The following MDH1B variants were observed in gnomAD, a reference collection of about 807,000 sequenced individuals.
MDH1B encodes the protein malate dehydrogenase 1B.
A neutral mutation model predicts 61.4 loss-of-function variants in MDH1B; 60 were observed. The observed-to-expected ratio is 0.98, with a 90% CI of 0.79 to 1.21. The LOEUF (loss-of-function observed/expected upper bound fraction) is 1.21. MDH1B is among the 50% of genes most tolerant of loss of function. The pLI is 0.00. For synonymous variants in MDH1B, 236 were observed against 218.7 expected, an observed-to-expected ratio of 1.08 and a Z score of -0.70; for missense variants, 587 against 632.1, an observed-to-expected ratio of 0.93 and a Z score of 0.76.
intron 2 of MDH1B, 74 bp downstream of exon 2, chr2:206,760,827 A>C (rs941945013): frequency 1.5e-5 from 12 of 821,912 alleles, no homozygotes; most frequent in Non-Finnish European, 2.3e-5. Context: ...AGTCTAATAC[A>C]CCAGTTAATA....
At chr2:206,757,794 G>T (rs570941571) in intron 2 of MDH1B, among the ~76,000 whole-genome samples, 1 of 152,250 alleles carries the variant, frequency 6.6e-6, no homozygotes, top group South Asian at 2.1e-4. Flanking sequence ...TGTGAGTGTG[G>T]TTTATGTAGT....
intron 8 of MDH1B, among the ~76,000 whole-genome samples, chr2:206,745,962 G>A (rs891776772): frequency 1.3e-5 from 2 of 151,848 alleles, no homozygotes; most frequent in Non-Finnish European, 2.9e-5. Context: ...GCAAACTCCC[G>A]ACCTCAGGTG....
At chr2:206,755,913 G>T (rs1376304074) in intron 4 of MDH1B, among the ~76,000 whole-genome samples, 1 of 146,272 alleles carries the variant, frequency 6.8e-6, no homozygotes, top group Non-Finnish European at 1.5e-5. Context: ...ACACAATAAT[G>T]ACTTTTTTTT....
intron 7 of MDH1B, 105 bp from the exon 8 acceptor site, chr2:206,746,531 A>T: frequency 8.3e-7 from 1 of 1,198,414 alleles, no homozygotes; most frequent in Admixed American, 3.2e-5. Flanking sequence ...AGGATTTTTA[A>T]TGATAATGAT....
At chr2:206,755,755 T>C (rs1646639321) in intron 4 of MDH1B, among the ~76,000 whole-genome samples, 1 of 152,154 alleles carries the variant, frequency 6.6e-6, no homozygotes, top group South Asian at 2.1e-4. Context: ...ATTAGGTTTT[T>C]CAAAGAAAAC....
intron 7 of MDH1B, among the ~76,000 whole-genome samples, chr2:206,747,353 A>AATG (rs1459558112): frequency 6.6e-6 from 1 of 152,192 alleles, no homozygotes; most frequent in Admixed American, 6.5e-5. Flanking sequence ...AGAGACAGAT[A>AATG]ATGATCATTT....
intron 4 of MDH1B, chr2:206,756,516 C>A (rs912755164): frequency 1.1e-5 from 2 of 176,126 alleles, no homozygotes; most frequent in Non-Finnish European, 2.4e-5. Flanking sequence ...CAAAGGGGAG[C>A]AAGGCGAGGG....
In MDH1B at chr2:206,738,135, G is replaced by C; in HGVS notation, c.*348C>G. 1 of 181,788 alleles carries C rather than the reference G, an allele frequency of 5.5e-6. No homozygotes were observed. The highest frequency in any genetic ancestry group is 1.1e-5 in the Non-Finnish European group (1 of 88,232). The allele number at this position is 181,788 out of a possible 1,614,324, so 11.3% of individuals were successfully genotyped here. A position where few individuals can be genotyped will look rare whatever the true frequency, so the allele number is the denominator to read the frequency against. On this transcript the variant is annotated 3_prime_UTR_variant, in exon 12 of 12. Coordinates refer to ENST00000374412, the MANE Select transcript of MDH1B (RefSeq NM_001039845.3). ...GAGCAAACATGGCCACTTAGGTGCA[G>C]GTCTTAGGTATGGCTGATGGAAGGA...
intron 5 of MDH1B, among the ~76,000 whole-genome samples, chr2:206,753,645 G>A (rs1055102572): frequency 1.3e-5 from 2 of 152,218 alleles, no homozygotes; most frequent in African/African-American, 4.8e-5. Flanking sequence ...CTTTCATGAT[G>A]TTTTGCTCAA....
chr2:206,757,777 T>C (rs905278470), intron 2 of MDH1B, among the ~76,000 whole-genome samples: 1 of 152,248 alleles, frequency 6.6e-6, no homozygotes, highest in African/African-American at 2.4e-5. Context: ...ATACTTTTTT[T>C]AAAATCTGTG....
At chr2:206,751,454 C>A (rs1688436734) in intron 5 of MDH1B, among the ~76,000 whole-genome samples, 1 of 152,050 alleles carries the variant, frequency 6.6e-6, no homozygotes, top group African/African-American at 2.4e-5. Flanking sequence ...GGAGAAAGGA[C>A]TTTTTAATAT....
At chr2:206,761,691 A>G (rs1689105611) in intron 1 of MDH1B, among the ~76,000 whole-genome samples, 1 of 152,122 alleles carries the variant, frequency 6.6e-6, no homozygotes, top group African/African-American at 2.4e-5. Context: ...TCAGACACAC[A>G]ATTTGTAGCC....
At chr2:206,739,022 A>G (rs1054327115) in intron 11 of MDH1B, among the ~76,000 whole-genome samples, 1 of 152,186 alleles carries the variant, frequency 6.6e-6, no homozygotes, top group Non-Finnish European at 1.5e-5. Flanking sequence ...ACTCAGTTAT[A>G]TACTTGGGAA....
chr2:206,757,095 T>C (rs949258042), intron 3 of MDH1B, 55 bp from the exon 4 acceptor site: 4 of 1,567,736 alleles, frequency 2.6e-6, no homozygotes, highest in Non-Finnish European at 2.6e-6. Context: ...TAGTTGAAAT[T>C]GGCTATAATG....
At chr2:206,742,033 G>A (rs1687842089) in intron 9 of MDH1B, among the ~76,000 whole-genome samples, 1 of 121,842 alleles carries the variant, frequency 8.2e-6, no homozygotes, top group Admixed American at 7.9e-5. Flanking sequence ...GACCATATGT[G>A]GTGAACAAAG....
intron 2 of MDH1B, 75 bp downstream of exon 2, chr2:206,760,826 C>T (rs1689047783): frequency 2.4e-6 from 2 of 817,088 alleles, no homozygotes; most frequent in Non-Finnish European, 4.2e-6. Flanking sequence ...CAGTCTAATA[C>T]ACCAGTTAAT....
At position 206,741,898 on chromosome 2, in the gene MDH1B, T is replaced by A. The variant is rs555145869; in HGVS notation, c.1409-794A>T. ...CCTAAGGACTCTACTTTTAATAGTA[T>A]GGAGAACACTGATAGTCCTTGGCAT... On this transcript the variant is annotated intron_variant, in intron 9 of 11. Transcript: ENST00000374412. 6.6e-5 allele frequency among the ~76,000 whole-genome samples: 10 copies of A among 152,300 alleles called. No individual in the cohort carries two copies. In the East Asian group the frequency reaches 1.9e-3, roughly 29 times the overall value.
chr2:206,762,532 G>C (rs967729206), intron 1 of MDH1B, among the ~76,000 whole-genome samples: 7 of 151,996 alleles, frequency 4.6e-5, no homozygotes, highest in Non-Finnish European at 1.0e-4. Flanking sequence ...GTCCCTTTCT[G>C]TCATATTTAA....
intron 9 of MDH1B, chr2:206,745,323 C>T (rs4675635): frequency 0.21 from 110,245 of 523,664 alleles, 15,452 homozygotes; most frequent in East Asian, 0.56. Context: ...AAGTAAATTT[C>T]TGTTGTTTTT....
Sources: gnomAD v4.1 joint callset for allele counts (sites outside exome capture counted in the v4.1 genomes callset) on GRCh38, gnomAD v4.1.1 for gene constraint, MANE v1.5 for transcripts, NCBI Gene and HGNC (gene_info 2026-07-23, HGNC 2026-07-21) for gene names.